UST: variants seen among roughly 807,000 people sequenced by gnomAD.
UST encodes chondroitin sulfate 2-O-sulfotransferase.
A neutral mutation model predicts 45.6 loss-of-function variants in UST; 21 were observed. The ratio of observed to expected loss-of-function variants is 0.46; its 90% CI spans 0.33 to 0.66. UST has a LOEUF of 0.66. Among genes scored for constraint, UST ranks in the 30% least tolerant of loss-of-function variants. The probability of loss-of-function intolerance (pLI) is 0.02; values close to 1 mark genes in which losing one functional copy is unlikely to be tolerated. For synonymous variants in UST, 215 were observed against 200.6 expected (o/e 1.07, Z -0.61); for missense variants, 463 against 512.4 (o/e 0.90, Z 0.93).
At chr6:149,007,706 G>A (rs1009750724) in intron 5 of UST, among the ~76,000 whole-genome samples, 13 of 151,984 alleles carry the variant, frequency 8.6e-5, no homozygotes, top group African/African-American at 2.7e-4. Context: ...TTACAGGCGT[G>A]AGCCACCGCG....
intron 3 of UST, among the ~76,000 whole-genome samples, chr6:148,947,395 A>T (rs1780267513): frequency 6.6e-6 from 1 of 152,228 alleles, no homozygotes; most frequent in Non-Finnish European, 1.5e-5. Flanking sequence ...TTCAGGTCCC[A>T]CTGCAAAATA....
At chr6:148,932,713 C>T (rs1779945462) in intron 2 of UST, among the ~76,000 whole-genome samples, 1 of 152,118 alleles carries the variant, frequency 6.6e-6, no homozygotes, top group Admixed American at 6.5e-5. Context: ...TGACTTATGG[C>T]TCCTTGTGAA....
intron 1 of UST, among the ~76,000 whole-genome samples, chr6:148,885,677 G>T (rs1307198512): frequency 6.6e-6 from 1 of 152,170 alleles, no homozygotes; most frequent in East Asian, 1.9e-4. Context: ...AAAGGGGAAG[G>T]ATGATGACTC....
Position 148,929,721 on chromosome 6 carries a change from A to G in UST, c.292-11558A>G, listed in dbSNP as rs1451164728. Among the ~76,000 whole-genome samples, 3 of 152,202 alleles carry G rather than the reference A, an allele frequency of 2.0e-5. No individual in the cohort carries two copies. The East Asian group carries it at 5.8e-4, about 29-fold the overall frequency. ...CAGATACAAGCATCCTCGTATTGATACATGGAGATGTAACATAAAGCAGAG... is the reference window on the plus strand; with the variant it reads ...CAGATACAAGCATCCTCGTATTGATGCATGGAGATGTAACATAAAGCAGAG... On this transcript the variant is annotated intron_variant, in intron 2 of 7. Coordinates refer to ENST00000367463, the MANE Select transcript of UST (RefSeq NM_005715.3).
chr6:149,019,071 A>C, intron 5 of UST, 68 bp from the exon 6 acceptor site: 1 of 1,150,886 alleles, frequency 8.7e-7, no homozygotes, highest in Non-Finnish European at 1.3e-6. Context: ...TTTTACTTAA[A>C]CTGTGTGGCA....
intron 1 of UST, among the ~76,000 whole-genome samples, chr6:148,834,170 T>A (rs778687696): frequency 1.3e-5 from 2 of 152,256 alleles, no homozygotes; most frequent in African/African-American, 2.4e-5. Flanking sequence ...CATAAAGTTA[T>A]AAGGTTCATT....
chr6:148,984,111 A>G (rs1270998705), intron 5 of UST, among the ~76,000 whole-genome samples: 2 of 152,242 alleles, frequency 1.3e-5, no homozygotes, highest in South Asian at 2.1e-4. Context: ...TCATGTGCAT[A>G]AATGTTTAGA....
chr6:149,076,480 A>C lies in UST; in HGVS notation c.*2364A>C, dbSNP rs908643550. On this transcript the variant is annotated 3_prime_UTR_variant, in exon 8 of 8. Transcript: ENST00000367463. The stretch of plus-strand genomic sequence containing the variant: ...AAGGCATTTCTTTTCAGCAGTGATC[A>C]TTATAACTTCACAAAAAAAGATGCT... 3.3e-5 allele frequency: 5 copies of C among 152,354 alleles called. No individual in the cohort carries two copies. Among genetic ancestry groups the C allele is most frequent in the African/African-American group, 1.2e-4 (5 of 41,454 alleles). The allele number at this position is 152,354 out of a possible 1,614,324, so 9.4% of individuals were successfully genotyped here.
chr6:148,752,691 G>C lies in UST; in HGVS notation c.247+5014G>C, dbSNP rs144236227. On this transcript the variant is annotated intron_variant, in intron 1 of 7. Coordinates refer to ENST00000367463, the MANE Select transcript of UST (RefSeq NM_005715.3). ...AGACAGTGGTTAGTTTTGTTTTGGA[G>C]AAACTGGAAAGAAAGTGGTCAAGGT... Among the ~76,000 whole-genome samples, 125 of 152,308 alleles carry C rather than the reference G, an allele frequency of 8.2e-4. 1 individual carries two copies. Among genetic ancestry groups the C allele is most frequent in the African/African-American group, 2.8e-3 (117 of 41,566 alleles).
At chr6:149,054,544 T>C (rs1186537728) in intron 7 of UST, among the ~76,000 whole-genome samples, 1 of 152,164 alleles carries the variant, frequency 6.6e-6, no homozygotes, top group Non-Finnish European at 1.5e-5. Context: ...GGAAAACTAA[T>C]GACTTTATAC....
intron 5 of UST, among the ~76,000 whole-genome samples, chr6:148,993,956 C>CTTTTTTTTTTTTTTTTTTT (rs57552256): frequency 1.0e-5 from 1 of 95,364 alleles, no homozygotes; most frequent in African/African-American, 4.6e-5. Context: ...TATTTCTTTC[C>CTTTTTTTTTTTTTTTTTTT]TTTTTTTTTT....
At chr6:148,811,676 C>T (rs561182421) in intron 1 of UST, among the ~76,000 whole-genome samples, 2 of 152,314 alleles carry the variant, frequency 1.3e-5, no homozygotes, top group Admixed American at 1.3e-4. Flanking sequence ...CTACACATGG[C>T]TTTTGCAGCA....
chr6:149,032,853 C>T (rs186585943), intron 7 of UST, among the ~76,000 whole-genome samples: 91 of 152,188 alleles, frequency 6.0e-4, no homozygotes, highest in African/African-American at 2.0e-3. Flanking sequence ...TCTGGGTGTG[C>T]GGGGGAGGTA....
At chr6:148,945,978 C>G (rs1410520362) in intron 3 of UST, among the ~76,000 whole-genome samples, 1 of 152,168 alleles carries the variant, frequency 6.6e-6, no homozygotes, top group Non-Finnish European at 1.5e-5. Flanking sequence ...GAGAGAGATC[C>G]TATGCCCATG....
chr6:148,850,376 C>T (rs779464274), intron 1 of UST, among the ~76,000 whole-genome samples: 10 of 152,154 alleles, frequency 6.6e-5, no homozygotes, highest in Non-Finnish European at 1.5e-4. Context: ...AGCCACCCTT[C>T]TGACACTAAA....
chr6:148,921,233 A>G (rs1459011701), intron 2 of UST, among the ~76,000 whole-genome samples: 1 of 152,230 alleles, frequency 6.6e-6, no homozygotes, highest in Non-Finnish European at 1.5e-5. Context: ...TTCCATGAAG[A>G]CAGAGCTCCT....
chr6:148,830,647 A>T (rs181342563), intron 1 of UST, among the ~76,000 whole-genome samples: 29 of 152,246 alleles, frequency 1.9e-4, no homozygotes, highest in African/African-American at 5.5e-4. Flanking sequence ...ACTGTCAAGT[A>T]AAAACATTTT....
chr6:148,986,575 T>G (rs1354048986), intron 5 of UST, among the ~76,000 whole-genome samples: 1 of 152,260 alleles, frequency 6.6e-6, no homozygotes, highest in Non-Finnish European at 1.5e-5. Flanking sequence ...TTTGTTTGTT[T>G]GCTTGTTTCT....
chr6:148,907,138 CTGTT>C (rs780998779), intron 2 of UST, among the ~76,000 whole-genome samples: 3 of 152,134 alleles, frequency 2.0e-5, no homozygotes, highest in African/African-American at 7.2e-5. Flanking sequence ...AAAAAAATCT[CTGTT>C]TGGTAGGATT....
Sources: allele counts gnomAD v4.1 joint callset (sites outside exome capture counted in the v4.1 genomes callset), GRCh38; gene constraint gnomAD v4.1.1; transcripts MANE v1.5; gene names NCBI Gene and HGNC (gene_info 2026-07-23, HGNC 2026-07-21).